Variants in DIP2B observed in about 807,000 individuals in gnomAD.
DIP2B encodes the protein DIP2 acetate--CoA ligase B (putative).
DIP2B carries 76 observed loss-of-function variants against 198.0 expected under a neutral mutation model. The observed-to-expected ratio is 0.38, with a 90% CI of 0.32 to 0.46. DIP2B has a LOEUF of 0.46. DIP2B is among the 20% of genes least tolerant of loss of function. The probability of loss-of-function intolerance (pLI) is 0.99; values close to 1 mark genes in which losing one functional copy is unlikely to be tolerated. For synonymous variants in DIP2B, 701 were observed against 739.1 expected (o/e 0.95, Z 0.84); for missense variants, 1,559 against 1,978.4 (o/e 0.79, Z 4.02).
At chr12:50,653,796 G>A (rs1938506676) in intron 3 of DIP2B, among the ~76,000 whole-genome samples, 1 of 151,560 alleles carries the variant, frequency 6.6e-6, no homozygotes, top group African/African-American at 2.4e-5. Context: ...CAACTCATTT[G>A]TTGATTTTGC....
chr12:50,642,129 A>T (rs181602098), intron 3 of DIP2B, among the ~76,000 whole-genome samples: 1 of 149,716 alleles, frequency 6.7e-6, no homozygotes, highest in Admixed American at 6.7e-5. Context: ...TTCAGTCGGG[A>T]AAAAAAAAAT....
At chr12:50,540,291 A>G (rs1443078502) in intron 1 of DIP2B, among the ~76,000 whole-genome samples, 2 of 134,350 alleles carry the variant, frequency 1.5e-5, no homozygotes, top group East Asian at 1.9e-4. Context: ...TTGTATATTT[A>G]GTAGAGACGG....
rs771079589 is a variant in DIP2B at position 50,689,644 on chromosome 12, A to G, written c.1552-1405A>G. On this transcript the variant is annotated intron_variant, in intron 12 of 37. Coordinates refer to ENST00000301180, the MANE Select transcript of DIP2B (RefSeq NM_173602.3). ...ACGGGGGTAAAGAAGTCAGTGATGGATATATGAGTTTCACAGGATTACTGG... is the reference window on the plus strand; with the variant it reads ...ACGGGGGTAAAGAAGTCAGTGATGGGTATATGAGTTTCACAGGATTACTGG... Among the ~76,000 whole-genome samples, 12 of 152,288 alleles carry G rather than the reference A, an allele frequency of 7.9e-5. No homozygotes were observed. The East Asian group carries it at 2.3e-3, about 29-fold the overall frequency.
chr12:50,699,330 C>T lies in DIP2B; in HGVS notation c.2325+128C>T. ...AGTGTGTACTCTGGAGCTAGACTTG[C>T]CTAAGTTCAAATTCTGAACTTAGGT... On this transcript the variant is annotated intron_variant, in intron 19 of 37. Transcript: ENST00000301180. 4.4e-6 allele frequency: 6 copies of T among 1,378,040 alleles called. 1 individual carries two copies. In the South Asian group the frequency reaches 8.4e-5, roughly 19 times the overall value. The allele number at this position is 1,378,040 out of a possible 1,614,324, so 85.4% of individuals were successfully genotyped here.
chr12:50,718,842 TTC>T (rs772598280), intron 24 of DIP2B, 24 bp downstream of exon 24: 24 of 1,612,714 alleles, frequency 1.5e-5, no homozygotes, highest in Non-Finnish European at 2.0e-5. Flanking sequence ...AAGTGTTACC[TTC>T]TTACAGTCAA....
intron 12 of DIP2B, among the ~76,000 whole-genome samples, chr12:50,687,334 T>G (rs1175705648): frequency 1.3e-5 from 2 of 152,112 alleles, no homozygotes; most frequent in Non-Finnish European, 2.9e-5. Flanking sequence ...GCCACATGAC[T>G]CAAAAATGGC....
chr12:50,575,135 C>T (rs543983986), intron 1 of DIP2B, among the ~76,000 whole-genome samples: 1 of 152,226 alleles, frequency 6.6e-6, no homozygotes, highest in East Asian at 1.9e-4. Context: ...ACAGTTTTAA[C>T]TCTTTCATAT....
chr12:50,595,939 C>T (rs1267240838), intron 1 of DIP2B, among the ~76,000 whole-genome samples: 5 of 152,270 alleles, frequency 3.3e-5, no homozygotes, highest in South Asian at 2.1e-4. Context: ...TTTCTTTGTA[C>T]CTTTGTGATC....
intron 1 of DIP2B, among the ~76,000 whole-genome samples, chr12:50,573,484 C>T (rs1958633042): frequency 6.6e-6 from 1 of 152,184 alleles, no homozygotes; most frequent in African/African-American, 2.4e-5. Context: ...TTATTACAAC[C>T]CAGTCTTATA....
At position 50,710,086 on chromosome 12, in the gene DIP2B, A is replaced by G. The variant is rs932723392; in HGVS notation, c.2649+1524A>G. ...TCCCTTCATTCTTCTTTATTTTTCT[A>G]CTTAGCACTTAACATCTTGTATATT... On this transcript the variant is annotated intron_variant, in intron 22 of 37. Coordinates refer to ENST00000301180, the MANE Select transcript of DIP2B (RefSeq NM_173602.3). Among the ~76,000 whole-genome samples, 8 of 152,196 alleles carry G rather than the reference A, an allele frequency of 5.3e-5. No individual in the cohort carries two copies. The South Asian group carries it at 8.3e-4, about 16-fold the overall frequency.
intron 1 of DIP2B, among the ~76,000 whole-genome samples, chr12:50,508,828 T>C (rs1020383018): frequency 1.3e-5 from 2 of 151,966 alleles, no homozygotes; most frequent in African/African-American, 2.4e-5. Flanking sequence ...GCCTCAGCCT[T>C]TCTGAGTAGC....
intron 3 of DIP2B, chr12:50,654,983 T>C (rs1565860180): frequency 6.7e-6 from 3 of 448,534 alleles, no homozygotes; most frequent in Non-Finnish European, 1.3e-5. Flanking sequence ...TGTGACAAAA[T>C]TTAACACGTA....
intron 2 of DIP2B, among the ~76,000 whole-genome samples, chr12:50,636,438 A>G (rs1938161247): frequency 6.6e-6 from 1 of 152,176 alleles, no homozygotes; most frequent in South Asian, 2.1e-4. Flanking sequence ...ACACATTGCA[A>G]TTATATCTGC....
At chr12:50,739,731 A>G in intron 36 of DIP2B, 145 bp downstream of exon 36, 1 of 1,053,480 alleles carries the variant, frequency 9.5e-7, no homozygotes, top group Non-Finnish European at 1.4e-6. Flanking sequence ...CTCTCTCTTC[A>G]TTTGGAGTCA....
Position 50,627,358 on chromosome 12 carries a change from G to A in DIP2B, c.172+1311G>A, listed in dbSNP as rs376049604. On this transcript the variant is annotated intron_variant, in intron 2 of 37. Coordinates refer to ENST00000301180, the MANE Select transcript of DIP2B (RefSeq NM_173602.3). The stretch of plus-strand genomic sequence containing the variant: ...ATGAGAAATTTTTTTTTTTTAGACA[G>A]ATTCTTGCTCTGTCACCCAGGCGGG... Among the ~76,000 whole-genome samples, 22 of 151,902 alleles carry A rather than the reference G, an allele frequency of 1.4e-4. No individual in the cohort carries two copies. The East Asian group carries it at 2.3e-3, about 16-fold the overall frequency.
At chr12:50,617,216 C>G (rs992303656) in intron 1 of DIP2B, among the ~76,000 whole-genome samples, 1 of 150,140 alleles carries the variant, frequency 6.7e-6, no homozygotes, top group Admixed American at 6.7e-5. Context: ...AGTGCAGTGG[C>G]GCGATCTCGG....
chr12:50,576,087 G>A (rs1180993905), intron 1 of DIP2B, among the ~76,000 whole-genome samples: 1 of 132,720 alleles, frequency 7.5e-6, no homozygotes, highest in Admixed American at 8.3e-5. Context: ...TTTTTTTTTT[G>A]AGACGGAGTT....
chr12:50,531,895 T>A (rs1280260870), intron 1 of DIP2B, among the ~76,000 whole-genome samples: 1 of 152,172 alleles, frequency 6.6e-6, no homozygotes, highest in Non-Finnish European at 1.5e-5. Flanking sequence ...CAACAAATAT[T>A]TGATGGCCAA....
chr12:50,623,141 T>G (rs978828565), intron 1 of DIP2B, among the ~76,000 whole-genome samples: 1 of 151,984 alleles, frequency 6.6e-6, no homozygotes, highest in Non-Finnish European at 1.5e-5. Context: ...TCTAGCACTT[T>G]GGGAGACCGA....
Sources: gnomAD v4.1 joint callset for allele counts (sites outside exome capture counted in the v4.1 genomes callset) on GRCh38, gnomAD v4.1.1 for gene constraint, MANE v1.5 for transcripts, NCBI Gene and HGNC (gene_info 2026-07-23, HGNC 2026-07-21) for gene names.